The following ZNF48 variants were observed in gnomAD, a reference collection of about 807,000 sequenced individuals.
ZNF48 encodes the protein zinc finger protein 48.
ZNF48 carries 20 observed loss-of-function variants against 40.0 expected under a neutral mutation model. That is an observed-to-expected ratio of 0.50 (90% confidence interval 0.35 to 0.73). ZNF48 has a LOEUF of 0.73. Ranked by LOEUF, ZNF48 falls within the 30% of genes least tolerant of loss-of-function variation. ZNF48 has a pLI of 0.01. For missense variants in ZNF48, 726 were observed against 851.9 expected, an observed-to-expected ratio of 0.85 and a Z score of 1.84; for synonymous variants, 298 against 329.7, an observed-to-expected ratio of 0.90 and a Z score of 1.04.
intron 1 of ZNF48, chr16:30,379,250 C>T (rs1207803503): frequency 1.9e-6 from 3 of 1,584,908 alleles, no homozygotes; most frequent in East Asian, 4.5e-5. Flanking sequence ...CCGTAAGGGT[C>T]GGGTCTACAG....
chr16:30,387,862 C>T (rs546585756), intron 1 of ZNF48, among the ~76,000 whole-genome samples: 2 of 151,890 alleles, frequency 1.3e-5, no homozygotes, highest in South Asian at 4.2e-4. Flanking sequence ...TTATCCTTCT[C>T]GTACGCCTAT....
chr16:30,380,118 A>T lies in ZNF48; in HGVS notation c.-16+1708A>T, dbSNP rs1156296088. ...ACCAGAGACAGTGAGACACAGAGAT[A>T]CTGGGTGGTCAGAGACAGAGAGAAA... is the stretch of plus-strand genomic sequence containing the variant. On this transcript the variant is annotated intron_variant, in intron 1 of 2. Coordinates refer to the ZNF48 transcript ENST00000528032. The T allele has an allele frequency of 6.1e-6, 7 of 1,141,656 alleles. No homozygotes were observed. The African/African-American group carries it at 1.1e-4, about 18-fold the overall frequency. The allele number at this position is 1,141,656 out of a possible 1,614,324, so 70.7% of individuals were successfully genotyped here. A position where few individuals can be genotyped will look rare whatever the true frequency, so the allele number is the denominator to read the frequency against.
At position 30,382,289 on chromosome 16, in the gene ZNF48, G is replaced by A. The variant is rs755633466; in HGVS notation, c.-16+3879G>A. 38 of 1,613,656 alleles carry A rather than the reference G, an allele frequency of 2.4e-5. No individual in the cohort carries two copies. Among genetic ancestry groups the A allele is most frequent in the South Asian group, 9.9e-5 (9 of 91,064 alleles). ...AACCCCCAGACCTGCCACCATTAGC[G>A]TGAAGTCAAACCCCTTCTTGACAGA... is the stretch of plus-strand genomic sequence containing the variant. On this transcript the variant is annotated intron_variant, in intron 1 of 2. Coordinates refer to the ZNF48 transcript ENST00000528032. This position sits in a 1 kb window ranked among gnomAD's most constrained non-coding sequence, Gnocchi z 4.8.
chr16:30,381,292 C>T lies in ZNF48; in HGVS notation c.-16+2882C>T. The T allele has an allele frequency of 6.2e-7, 1 of 1,611,946 alleles. No individual in the cohort carries two copies. The highest frequency in any genetic ancestry group is 8.5e-7 in the Non-Finnish European group (1 of 1,178,234). On this transcript the variant is annotated intron_variant, in intron 1 of 2. Transcript: ENST00000528032. The surrounding 1 kb of genome is among the most constrained non-coding windows in gnomAD (Gnocchi z 4.3). ...GCCCAGCCTCAGGGGGCAGAGACCC[C>T]CCAGCCCTCCCTAAATGCGCCAGCC... is the stretch of plus-strand genomic sequence containing the variant.
Position 30,397,923 on chromosome 16 carries a change from T to C in ZNF48, c.673T>C (p.Cys225Arg), listed in dbSNP as rs775077109. 1 of 1,612,992 alleles carries C rather than the reference T, an allele frequency of 6.2e-7. No homozygotes were observed. Among genetic ancestry groups the C allele is most frequent in the South Asian group, 1.1e-5 (1 of 91,062 alleles). ...TGAGAAGCCCTACAAGTGTGGCATA[T>C]GTGGCAAGGGCTTTGGCGACAGTTC... Reference protein sequence around the residue: ...TGEKPYKCGICGKGFGDSSAR... With the variant: ...TGEKPYKCGIRGKGFGDSSAR... Residue 225 changes from cysteine to arginine, a missense_variant, in exon 3 of 3, where the codon TGT (cysteine) becomes CGT (arginine). By Grantham distance (180) the Cys-to-Arg change is radical (BLOSUM62 -3). Coordinates refer to ENST00000613509, the MANE Select transcript of ZNF48 (RefSeq NM_001214909.2). This position sits in a 1 kb window ranked among gnomAD's most constrained non-coding sequence, Gnocchi z 4.1.
In ZNF48 at chr16:30,381,776, C is replaced by T. The variant is rs1051636918; in HGVS notation, c.-16+3366C>T. 1 of 1,614,108 alleles carries T rather than the reference C, an allele frequency of 6.2e-7. No individual in the cohort carries two copies. The highest frequency in any genetic ancestry group is 1.7e-5 in the Admixed American group (1 of 60,000). On this transcript the variant is annotated intron_variant, in intron 1 of 2. Coordinates refer to the ZNF48 transcript ENST00000528032. The surrounding 1 kb of genome is among the most constrained non-coding windows in gnomAD (Gnocchi z 4.3). ...CTTCCTCACCAGTCAGAGCAGTCCA[C>T]TGAGTCCCCAAAGCCAGGTGTGTCC...
rs925897355 is a variant in ZNF48, at chr16:30,382,059, G to A, written c.-16+3649G>A. The A allele has an allele frequency of 6.3e-7, 1 of 1,581,324 alleles. No homozygotes were observed. The highest frequency in any genetic ancestry group is 8.6e-7 in the Non-Finnish European group (1 of 1,162,028). On this transcript the variant is annotated intron_variant, in intron 1 of 2. Transcript: ENST00000528032. The surrounding 1 kb of genome is among the most constrained non-coding windows in gnomAD (Gnocchi z 4.8). ...GACTAGGGTGTAACCTGGGGACAGGGGCTACTGCCTCAAGAGGGTGGGGAG... is the reference window on the plus strand; with the variant it reads ...GACTAGGGTGTAACCTGGGGACAGGAGCTACTGCCTCAAGAGGGTGGGGAG...
exon 1 of ZNF48, chr16:30,378,404 A>AGCCGAGGTAAGGCCGGGCGGG (rs2151108890): frequency 1.3e-6 from 2 of 1,536,122 alleles, no homozygotes; most frequent in East Asian, 4.6e-5. Context: ...CTGAAGGCGG[A>AGCCGAGGTAAGGCCGGGCGGG]GCCGAGGTAA....
At chr16:30,385,805 G>A (rs1296635765) in intron 1 of ZNF48, among the ~76,000 whole-genome samples, 1 of 150,960 alleles carries the variant, frequency 6.6e-6, no homozygotes, top group Non-Finnish European at 1.5e-5. Context: ...TTATTCAACA[G>A]CCTTTGACAG....
Position 30,381,629 on chromosome 16 carries a change from C to T in ZNF48, c.-16+3219C>T. On this transcript the variant is annotated intron_variant, in intron 1 of 2. Coordinates refer to the ZNF48 transcript ENST00000528032. This position sits in a 1 kb window ranked among gnomAD's most constrained non-coding sequence, Gnocchi z 4.3. Reference sequence around the variant, plus strand: ...GGCCTAGGTGAGTCATCAAGAAGCACAGGGACCCAGTGGCCCTCTGAAACA... The same window carrying T: ...GGCCTAGGTGAGTCATCAAGAAGCATAGGGACCCAGTGGCCCTCTGAAACA... 6.7e-6 allele frequency: 10 copies of T among 1,487,562 alleles called. No homozygotes were observed. Among genetic ancestry groups the T allele is most frequent in the Non-Finnish European group, 9.1e-6 (10 of 1,093,704 alleles). 92.1% of individuals were successfully genotyped at this position (1,487,562 alleles called of 1,614,324 possible). A position where few individuals can be genotyped will look rare whatever the true frequency, so the allele number is the denominator to read the frequency against.
intron 1 of ZNF48, among the ~76,000 whole-genome samples, chr16:30,383,424 C>T (rs1250501497): frequency 6.6e-6 from 1 of 152,126 alleles, no homozygotes; most frequent in Admixed American, 6.6e-5. Context: ...CTCCTGACCT[C>T]GTGATCTGCC....
At chr16:30,388,331 T>C (rs963429097) in intron 1 of ZNF48, among the ~76,000 whole-genome samples, 2 of 152,182 alleles carry the variant, frequency 1.3e-5, no homozygotes, top group Middle Eastern at 3.4e-3. Context: ...TTTGTTTTAG[T>C]TTTTGTGTTT....
chr16:30,383,244 A>C (rs973752418), intron 1 of ZNF48, among the ~76,000 whole-genome samples: 1 of 151,992 alleles, frequency 6.6e-6, no homozygotes, highest in Non-Finnish European at 1.5e-5. Flanking sequence ...GCTGGAGTGT[A>C]GTGGCGCCAT....
rs762312601 is a variant in ZNF48, at chr16:30,381,244, C to T, written c.-16+2834C>T. ...GGAAGGCCACATCTAGGGGCCGGAG[C>T]CTGCACCCAGGGATTGGTCATTGCC... is the stretch of plus-strand genomic sequence containing the variant. On this transcript the variant is annotated intron_variant, in intron 1 of 2. Coordinates refer to the ZNF48 transcript ENST00000528032. The surrounding 1 kb of genome is among the most constrained non-coding windows in gnomAD (Gnocchi z 4.3). 1 of 1,613,958 alleles carries T rather than the reference C, an allele frequency of 6.2e-7. No individual in the cohort carries two copies. The highest frequency in any genetic ancestry group is 1.1e-5 in the South Asian group (1 of 91,076).
chr16:30,398,345 C>G lies in ZNF48; in HGVS notation c.1095C>G (p.Asp365Glu), dbSNP rs778262563. The part of the protein sequence containing the change: ...GERPHACPEC[D>E]RTFSLSSTLL... ...GGCCCCATGCCTGCCCGGAATGCGACCGTACCTTCAGCCTCAGCTCCACCC... is the reference window on the plus strand; with the variant it reads ...GGCCCCATGCCTGCCCGGAATGCGAGCGTACCTTCAGCCTCAGCTCCACCC... Residue 365 changes from aspartate (D) to glutamate (E), a missense_variant, in exon 3 of 3, where the codon GAC becomes GAG. This residue lies in a region of ZNF48 where 378 missense variants were observed against 449.1 expected (regional missense o/e 0.84). Transcript: ENST00000613509. This position sits in a 1 kb window ranked among gnomAD's most constrained non-coding sequence, Gnocchi z 6.6. 1.9e-6 allele frequency: 3 copies of G among 1,613,106 alleles called. No homozygotes were observed. Among genetic ancestry groups the G allele is most frequent in the Non-Finnish European group, 2.5e-6 (3 of 1,179,880 alleles).
rs775733277 is a variant in ZNF48, at chr16:30,398,483, G to A, written c.1233G>A (p.Pro411=). Residue 411 remains proline, a synonymous_variant, in exon 3 of 3, where the codon CCG becomes CCA. Coordinates refer to ENST00000613509, the MANE Select transcript of ZNF48 (RefSeq NM_001214909.2). This position sits in a 1 kb window ranked among gnomAD's most constrained non-coding sequence, Gnocchi z 6.6. The part of the protein sequence containing the change: ...PPPPPLGTSP[P]LTPRSPSHSG... ...CACCTCCTCTGGGCACCAGCCCCCC[G>A]CTGACACCTCGAAGTCCCTCACACT... The A allele has an allele frequency of 5.7e-6, 7 of 1,232,880 alleles. No individual in the cohort carries two copies. Among genetic ancestry groups the A allele is most frequent in the Middle Eastern group, 2.2e-4 (1 of 4,488 alleles). The allele number at this position is 1,232,880 out of a possible 1,614,324, so 76.4% of individuals were successfully genotyped here.
At position 30,389,390 on chromosome 16, in the gene ZNF48, CAAA is replaced by C. The variant is rs1230191284; in HGVS notation, c.-15-6376_-15-6374del. ...TAGGCAACAGAGCGAGACTCCATCT[CAAA>C]AAAAAAAAAAAAATAATAATAATAC... On this transcript the variant is annotated intron_variant, in intron 1 of 2. Coordinates refer to the ZNF48 transcript ENST00000528032. Among the ~76,000 whole-genome samples, 1,031 of 121,290 alleles carry C rather than the reference CAAA, an allele frequency of 8.5e-3. 14 individuals carry two copies. The highest frequency in any genetic ancestry group is 0.03 in the African/African-American group (978 of 32,856). The allele number at this position is 121,290 out of a possible 152,430, so 79.6% of individuals were successfully genotyped here. A position where few individuals can be genotyped will look rare whatever the true frequency, so the allele number is the denominator to read the frequency against.
rs1165511753 is a variant in ZNF48 at position 30,397,739 on chromosome 16, T to C, written c.489T>C (p.Ser163=). 1 of 1,610,776 alleles carries C rather than the reference T, an allele frequency of 6.2e-7. No homozygotes were observed. The highest frequency in any genetic ancestry group is 1.1e-5 in the South Asian group (1 of 90,950). ...SARIKHQRTH[S]GEKPYRARPP... is the part of the protein sequence containing the mutation. ...GGATCAAACACCAGCGGACTCATAGTGGGGAGAAGCCCTATAGAGCCCGGC... is the reference window on the plus strand; with the variant it reads ...GGATCAAACACCAGCGGACTCATAGCGGGGAGAAGCCCTATAGAGCCCGGC... Residue 163 remains serine, a synonymous_variant, in exon 3 of 3, where the codon AGT becomes AGC. Transcript: ENST00000613509. The surrounding 1 kb of genome is among the most constrained non-coding windows in gnomAD (Gnocchi z 4.1).
intron 1 of ZNF48, among the ~76,000 whole-genome samples, chr16:30,388,986 T>C (rs7203359): frequency 0.75 from 114,013 of 151,812 alleles, 43,708 homozygotes; most frequent in East Asian, 0.92. Context: ...TGTGGCCGGG[T>C]GTGGTGGCTC....
Sources: allele counts gnomAD v4.1 joint callset (sites outside exome capture counted in the v4.1 genomes callset), GRCh38; gene constraint gnomAD v4.1.1; regional missense constraint gnomAD v4.1.1; non-coding constraint Gnocchi (gnomAD v3.1); transcripts MANE v1.5; gene names NCBI Gene and HGNC (gene_info 2026-07-23, HGNC 2026-07-21).